PLEKHA4: variants seen among roughly 807,000 people sequenced by gnomAD.
PLEKHA4 encodes the protein pleckstrin homology domain-containing family A member 4.
Under a neutral mutation model 94.7 loss-of-function variants are expected in PLEKHA4, and 73 were observed. That is an observed-to-expected ratio of 0.77 (90% CI 0.64 to 0.94). PLEKHA4 has a LOEUF of 0.94. Ranked by LOEUF, PLEKHA4 falls within the 40% of genes least tolerant of loss-of-function variation. PLEKHA4 has a pLI of 0.00. For missense variants in PLEKHA4, 1,049 were observed against 1,054.1 expected (o/e 1.00, Z 0.07); for synonymous variants, 449 against 437.1 (o/e 1.03, Z -0.34).
Position 48,854,049 on chromosome 19 carries a change from C to A in PLEKHA4, c.1134G>T (p.Leu378=), listed in dbSNP as rs1290002900. ...LTKLCGQDRL[L]RRLQEEIDQK... ...GGTCTATCTCCTCCTGCAGCCTCCGCAGAAGCCGGTCCTGCCCGCACAACT... is the reference window on the plus strand; with the variant it reads ...GGTCTATCTCCTCCTGCAGCCTCCGAAGAAGCCGGTCCTGCCCGCACAACT... Residue 378 remains leucine (L), a synonymous_variant, in exon 11 of 20, where the codon CTG becomes CTT. Transcript: ENST00000263265. The A allele has an allele frequency of 1.2e-6, 2 of 1,614,132 alleles. No individual in the cohort carries two copies. Among genetic ancestry groups the A allele is most frequent in the Non-Finnish European group, 1.7e-6 (2 of 1,180,022 alleles).
intron 9 of PLEKHA4, 43 bp downstream of exon 9, chr19:48,857,379 G>A (rs201200824): frequency 1.3e-6 from 1 of 775,766 alleles, no homozygotes; most frequent in Non-Finnish European, 2.2e-6. Context: ...AAGAAAGGAA[G>A]GGAGGGGGCT....
intron 16 of PLEKHA4, among the ~76,000 whole-genome samples, chr19:48,843,049 A>G (rs779249969): frequency 7.9e-5 from 12 of 152,118 alleles, no homozygotes; most frequent in Non-Finnish European, 1.5e-4. Flanking sequence ...CCAATCATCC[A>G]TGCCCATGAC....
At position 48,855,999 on chromosome 19, in the gene PLEKHA4, CCT is replaced by C. The variant is rs903816356; in HGVS notation, c.1047+1421_1047+1422del. Among the ~76,000 whole-genome samples the C allele has an allele frequency of 1.1e-3, 172 of 151,012 alleles. 1 individual carries two copies. The highest frequency in any genetic ancestry group is 3.1e-3 in the African/African-American group (127 of 41,144). ...ACCAGCCTGACCAACATGGAGAAACCCTGTCTTTACTAAAAATACAAAATTAG... is the reference window on the plus strand; with the variant it reads ...ACCAGCCTGACCAACATGGAGAAACCGTCTTTACTAAAAATACAAAATTAG... On this transcript the variant is annotated intron_variant, in intron 9 of 19. Coordinates refer to ENST00000263265, the MANE Select transcript of PLEKHA4 (RefSeq NM_020904.3).
intron 5 of PLEKHA4, 62 bp from the exon 6 acceptor site, chr19:48,860,521 G>T: frequency 3.1e-6 from 4 of 1,288,244 alleles, no homozygotes; most frequent in Non-Finnish European, 4.5e-6. Context: ...GGACAGGCCG[G>T]ACCGGTGACT....
chr19:48,863,970 C>T (rs2036742283), intron 3 of PLEKHA4, among the ~76,000 whole-genome samples: 1 of 152,132 alleles, frequency 6.6e-6, no homozygotes, highest in Admixed American at 6.6e-5. Context: ...CCCCAGAGTT[C>T]CTGATTTGGC....
At chr19:48,853,582 G>A in intron 12 of PLEKHA4, 100 bp downstream of exon 12, 1 of 1,215,108 alleles carries the variant, frequency 8.2e-7, no homozygotes, top group Non-Finnish European at 1.1e-6. Context: ...GACTTCTGAA[G>A]AACGATCTTC....
At chr19:48,840,235 T>TA (rs1160811725) in intron 17 of PLEKHA4, among the ~76,000 whole-genome samples, 1 of 151,758 alleles carries the variant, frequency 6.6e-6, no homozygotes, top group Non-Finnish European at 1.5e-5. Flanking sequence ...GCCAACGTGG[T>TA]AAAAATCTGT....
chr19:48,847,540 T>C (rs977741574), intron 14 of PLEKHA4, among the ~76,000 whole-genome samples: 3 of 152,140 alleles, frequency 2.0e-5, no homozygotes, highest in African/African-American at 7.2e-5. Flanking sequence ...ATGACCAGCC[T>C]GGCCAACAAG....
chr19:48,849,160 C>A (rs1030673607), intron 13 of PLEKHA4, among the ~76,000 whole-genome samples: 1 of 152,144 alleles, frequency 6.6e-6, no homozygotes, highest in African/African-American at 2.4e-5. Context: ...CCTGCCTCAT[C>A]CTCCTAAAGT....
intron 12 of PLEKHA4, 140 bp downstream of exon 12, chr19:48,853,542 G>A: frequency 7.6e-6 from 7 of 924,638 alleles, no homozygotes; most frequent in South Asian, 5.5e-5. Context: ...ACAATGAGGA[G>A]AGAGAAAAAA....
intron 13 of PLEKHA4, among the ~76,000 whole-genome samples, chr19:48,849,817 A>G (rs542101899): frequency 6.6e-6 from 1 of 152,314 alleles, no homozygotes; most frequent in African/African-American, 2.4e-5. Flanking sequence ...GATGGAAAAA[A>G]GGCTGAGGGT....
Position 48,857,383 on chromosome 19 carries a change from G to A in PLEKHA4, c.1047+39C>T, listed in dbSNP as rs570250367. The A allele has an allele frequency of 5.5e-5, 45 of 812,738 alleles. No homozygotes were observed. The South Asian group carries it at 7.2e-4, about 13-fold the overall frequency. 50.3% of individuals were successfully genotyped at this position (812,738 alleles called of 1,614,324 possible). ...TCCTCATAGAGAAGAAAGGAAGGGA[G>A]GGGGCTCCGGTAGATTTAGGGTACT... On this transcript the variant is annotated intron_variant, in intron 9 of 19. Transcript: ENST00000263265.
chr19:48,854,454 A>G (rs2036327385), intron 9 of PLEKHA4, among the ~76,000 whole-genome samples, 190 bp from the exon 10 acceptor site: 1 of 152,012 alleles, frequency 6.6e-6, no homozygotes, highest in African/African-American at 2.4e-5. Context: ...CTGCAGGCTC[A>G]ACCTCCTGGG....
intron 17 of PLEKHA4, among the ~76,000 whole-genome samples, chr19:48,840,172 C>T (rs1041495477): frequency 1.8e-4 from 28 of 152,014 alleles, no homozygotes; most frequent in Middle Eastern, 6.8e-3. Context: ...ATTCTTAGCA[C>T]CTCCTTCCAA....
intron 3 of PLEKHA4, among the ~76,000 whole-genome samples, chr19:48,863,369 T>C (rs2036714531): frequency 1.3e-5 from 2 of 151,842 alleles, no homozygotes; most frequent in African/African-American, 4.8e-5. Context: ...TTCTCCTGGC[T>C]CAGCCTCCTG....
At chr19:48,853,496 C>T (rs1421751126) in intron 12 of PLEKHA4, among the ~76,000 whole-genome samples, 186 bp downstream of exon 12, 1 of 121,132 alleles carries the variant, frequency 8.3e-6, no homozygotes, top group South Asian at 2.6e-4. Context: ...AAGACTCTGT[C>T]CCCCCCAAAA....
At chr19:48,860,324 G>A (rs1303451223) in intron 6 of PLEKHA4, 26 bp downstream of exon 6, 4 of 1,585,738 alleles carry the variant, frequency 2.5e-6, no homozygotes, top group Admixed American at 1.7e-5. Context: ...TGGAGGGTCA[G>A]GAGCATGGCT....
In PLEKHA4 at chr19:48,837,265, G is replaced by C; in HGVS notation, c.*24C>G. On this transcript the variant is annotated 3_prime_UTR_variant, in exon 20 of 20. Coordinates refer to ENST00000263265, the MANE Select transcript of PLEKHA4 (RefSeq NM_020904.3). This position sits in a 1 kb window ranked among gnomAD's most constrained non-coding sequence, Gnocchi z 4.3. ...CCTCCAGACCACGTCCTCGCGCTCC[G>C]ATTGGCTGCCGCTTTTGGGCGGATT... The C allele has an allele frequency of 1.9e-6, 3 of 1,613,972 alleles. No homozygotes were observed. Among genetic ancestry groups the C allele is most frequent in the Non-Finnish European group, 2.5e-6 (3 of 1,179,996 alleles).
At chr19:48,838,305 TAGA>T in intron 18 of PLEKHA4, 176 bp from the exon 19 acceptor site, 1 of 481,286 alleles carries the variant, frequency 2.1e-6, no homozygotes, top group Admixed American at 3.5e-5. Context: ...AGGGTGTAAC[TAGA>T]TTGTTTATAC....
Sources: allele counts gnomAD v4.1 joint callset (sites outside exome capture counted in the v4.1 genomes callset), GRCh38; gene constraint gnomAD v4.1.1; non-coding constraint Gnocchi (gnomAD v3.1); transcripts MANE v1.5; gene names NCBI Gene and HGNC (gene_info 2026-07-23, HGNC 2026-07-21).